Variants in SCN1A observed in about 807,000 individuals in gnomAD.
SCN1A encodes sodium channel protein type 1 subunit alpha.
In SCN1A, 13 loss-of-function variants were observed where a neutral mutation model predicts 193.7. The ratio of observed to expected loss-of-function variants is 0.07; its 90% confidence interval spans 0.04 to 0.11. The LOEUF (loss-of-function observed/expected upper bound fraction) is 0.11. Among genes scored for constraint, SCN1A ranks in the 10% least tolerant of loss-of-function variants. The pLI is 1.00. For missense variants in SCN1A, 1,432 were observed against 2,451.1 expected (o/e 0.58, Z 8.78); for synonymous variants, 781 against 843.6 (o/e 0.93, Z 1.29).
At chr2:166,013,095 G>A (rs968835394) in intron 21 of SCN1A, among the ~76,000 whole-genome samples, 1 of 151,206 alleles carries the variant, frequency 6.6e-6, no homozygotes, top group South Asian at 2.1e-4. Flanking sequence ...TTGTGTTAGT[G>A]TTTCCCTAAA....
chr2:166,108,839 T>C (rs911649084), intron 2 of SCN1A, among the ~76,000 whole-genome samples: 2 of 152,138 alleles, frequency 1.3e-5, no homozygotes, highest in African/African-American at 2.4e-5. Flanking sequence ...ATCAAGTTTC[T>C]TTTTAGCTCA....
downstream of SCN1A, chr2:165,985,489 A>G (rs1052672961): frequency 6.6e-6 from 1 of 152,156 alleles, no homozygotes; most frequent in Non-Finnish European, 1.5e-5. Context: ...TTCACTGGAT[A>G]GGAAAGAAAT....
rs569364474 is a variant in SCN1A at position 166,048,070 on chromosome 2, A to C, written c.1029-302T>G. ...ATGGAGTCTCCAGAGTTTATAGCTC[A>C]ATATACTTATCTAAAAGAACAACAT... On this transcript the variant is annotated intron_variant, in intron 10 of 28. Transcript: ENST00000674923. 2.6e-5 allele frequency among the ~76,000 whole-genome samples: 4 copies of C among 151,514 alleles called. No individual in the cohort carries two copies. The East Asian group carries it at 7.8e-4, about 30-fold the overall frequency.
intron 19 of SCN1A, among the ~76,000 whole-genome samples, chr2:166,034,626 C>T (rs1696090792): frequency 1.3e-5 from 2 of 152,124 alleles, no homozygotes; most frequent in South Asian, 2.1e-4. Context: ...AGACTTTTAA[C>T]TTAATATTTC....
intron 17 of SCN1A, 47 bp from the exon 18 acceptor site, chr2:166,038,179 T>C (rs951715640): frequency 7.3e-7 from 1 of 1,376,818 alleles, no homozygotes; most frequent in African/African-American, 1.5e-5. Flanking sequence ...CTTAAAAGCA[T>C]TATATATATT....
intron 2 of SCN1A, among the ~76,000 whole-genome samples, chr2:166,125,134 G>T (rs185603299): frequency 6.6e-6 from 1 of 152,094 alleles, no homozygotes; most frequent in Non-Finnish European, 1.5e-5. Context: ...TCAATTGAGC[G>T]GTGGAACATG....
chr2:166,097,717 G>A (rs1323636636), intron 2 of SCN1A, among the ~76,000 whole-genome samples: 1 of 152,138 alleles, frequency 6.6e-6, no homozygotes, highest in African/African-American at 2.4e-5. Flanking sequence ...GTAGCTTGGA[G>A]TACAGATGTG....
intron 17 of SCN1A, 56 bp downstream of exon 17, chr2:166,039,367 G>T: frequency 1.3e-6 from 2 of 1,562,952 alleles, no homozygotes; most frequent in Non-Finnish European, 8.7e-7. Context: ...TGCTATGCAA[G>T]AACCCTGATT....
At chr2:166,046,414 A>G (rs1267392943) in intron 12 of SCN1A, among the ~76,000 whole-genome samples, 2 of 152,108 alleles carry the variant, frequency 1.3e-5, no homozygotes, top group African/African-American at 4.8e-5. Context: ...TAGAGGAGCA[A>G]CTCTTCATAT....
chr2:166,033,066 G>C (rs931517334), intron 19 of SCN1A, among the ~76,000 whole-genome samples: 5 of 152,090 alleles, frequency 3.3e-5, no homozygotes, highest in African/African-American at 1.2e-4. Context: ...TAAAAGGAGA[G>C]ACATGCATGC....
At position 165,992,482 on chromosome 2, in the gene SCN1A, T is replaced by C. The variant is rs1056961511; in HGVS notation, c.4853-60A>G. The C allele has an allele frequency of 3.8e-6, 6 of 1,597,230 alleles. No individual in the cohort carries two copies. In the African/African-American group the frequency reaches 4.0e-5, roughly 11 times the overall value. Reference sequence around the variant, plus strand: ...GAAATCATGCGTTAAAATAAACATATGTTTCTTCTAAAGCTCCAAGGTAAG... The same window carrying C: ...GAAATCATGCGTTAAAATAAACATACGTTTCTTCTAAAGCTCCAAGGTAAG... On this transcript the variant is annotated intron_variant, in intron 28 of 28. Transcript: ENST00000674923. The surrounding 1 kb of genome is among the most constrained non-coding windows in gnomAD (Gnocchi z 6.5).
chr2:166,078,283 A>C (rs942533289), intron 2 of SCN1A, among the ~76,000 whole-genome samples: 11 of 151,754 alleles, frequency 7.2e-5, no homozygotes, highest in African/African-American at 2.7e-4. Context: ...CATATAATAT[A>C]GCACATATGT....
chr2:166,083,002 C>T (rs1016377084), intron 2 of SCN1A, among the ~76,000 whole-genome samples: 3 of 151,948 alleles, frequency 2.0e-5, no homozygotes, highest in African/African-American at 7.2e-5. Flanking sequence ...AGTGTTCTTG[C>T]CACCTACTTT....
At chr2:166,045,362 TG>T in intron 12 of SCN1A, 35 bp from the exon 13 acceptor site, 1 of 1,607,772 alleles carries the variant, frequency 6.2e-7, no homozygotes, top group Non-Finnish European at 8.5e-7. Context: ...ACATAGCACC[TG>T]AAGAGACTGT....
intron 4 of SCN1A, chr2:166,060,857 C>T (rs2105927135): frequency 6.6e-6 from 1 of 151,794 alleles, no homozygotes; most frequent in East Asian, 1.9e-4. Context: ...GTGATGAGAG[C>T]AAAACTCCAT....
chr2:166,054,545 T>C, intron 7 of SCN1A, 93 bp downstream of exon 7: 1 of 1,334,480 alleles, frequency 7.5e-7, no homozygotes, highest in Admixed American at 1.8e-5. Context: ...CACCAAAATA[T>C]TCTACAGGTA....
intron 2 of SCN1A, among the ~76,000 whole-genome samples, chr2:166,118,198 A>G (rs1439599105): frequency 1.4e-5 from 2 of 143,978 alleles, no homozygotes; most frequent in African/African-American, 4.9e-5. Context: ...GGTCCCAGAG[A>G]AGATACAGTC....
intron 19 of SCN1A, among the ~76,000 whole-genome samples, chr2:166,024,002 C>T (rs1694411162): frequency 6.6e-6 from 1 of 152,024 alleles, no homozygotes; most frequent in Admixed American, 6.6e-5. Flanking sequence ...GTCTTGAACT[C>T]CTGACCTCAG....
At chr2:166,002,806 G>T in intron 23 of SCN1A, 53 bp from the exon 24 acceptor site, 1 of 1,481,952 alleles carries the variant, frequency 6.7e-7, no homozygotes, top group Non-Finnish European at 9.1e-7. Flanking sequence ...TGTTAATAAA[G>T]AAAAAAAATT....
Sources: gnomAD v4.1 joint callset for allele counts (sites outside exome capture counted in the v4.1 genomes callset) on GRCh38, gnomAD v4.1.1 for gene constraint, Gnocchi (gnomAD v3.1) non-coding constraint, MANE v1.5 for transcripts, NCBI Gene and HGNC (gene_info 2026-07-23, HGNC 2026-07-21) for gene names.